GRID2: variants seen among roughly 807,000 people sequenced by gnomAD.
GRID2 encodes glutamate ionotropic receptor delta type subunit 2.
Under a neutral mutation model 114.8 loss-of-function variants are expected in GRID2, and 33 were observed. That is an observed-to-expected ratio of 0.29 (90% confidence interval 0.22 to 0.38). The LOEUF (loss-of-function observed/expected upper bound fraction) is 0.38. Ranked by LOEUF, GRID2 falls within the 10% of genes least tolerant of loss-of-function variation. GRID2 has a pLI of 1.00. For missense variants in GRID2, 1,184 were observed against 1,257.7 expected (o/e 0.94, Z 0.89); for synonymous variants, 505 against 449.9 (o/e 1.12, Z -1.55).
intron 9 of GRID2, among the ~76,000 whole-genome samples, chr4:93,414,532 A>T (rs1201702539): frequency 6.6e-6 from 1 of 152,014 alleles, no homozygotes. Flanking sequence ...AGAGACTCTT[A>T]ACTGCTGTAT....
chr4:93,035,929 C>T (rs1227046324), intron 2 of GRID2, among the ~76,000 whole-genome samples: 1 of 152,098 alleles, frequency 6.6e-6, no homozygotes, highest in Non-Finnish European at 1.5e-5. Flanking sequence ...AATATGACAG[C>T]CTGAATACTA....
chr4:93,358,174 T>G (rs965320348), intron 8 of GRID2, among the ~76,000 whole-genome samples: 2 of 151,878 alleles, frequency 1.3e-5, no homozygotes, highest in African/African-American at 4.8e-5. Context: ...GTATTCCAGA[T>G]AGGCAATTAT....
At chr4:92,618,452 A>T (rs76522454) in intron 2 of GRID2, among the ~76,000 whole-genome samples, 2,079 of 151,852 alleles carry the variant, frequency 0.014, 51 homozygotes, top group African/African-American at 0.047. Context: ...TGACACCTTC[A>T]GCTTTGTTCA....
At chr4:92,525,016 G>C (rs1192828667) in intron 1 of GRID2, among the ~76,000 whole-genome samples, 3 of 151,882 alleles carry the variant, frequency 2.0e-5, no homozygotes, top group Admixed American at 6.6e-5. Context: ...TGAATAATGT[G>C]ATAATGAGAG....
At chr4:93,594,376 G>A (rs538470823) in intron 13 of GRID2, among the ~76,000 whole-genome samples, 101 of 152,296 alleles carry the variant, frequency 6.6e-4, no homozygotes, top group African/African-American at 2.3e-3. Context: ...GGGGGTCAGG[G>A]GTCAGGGACC....
At chr4:92,923,501 A>ATGGT (rs1473151319) in intron 2 of GRID2, among the ~76,000 whole-genome samples, 36 of 151,664 alleles carry the variant, frequency 2.4e-4, no homozygotes, top group African/African-American at 8.5e-4. Context: ...TTTAATTAGA[A>ATGGT]ATCAATAAAA....
chr4:93,799,529 T>C (rs371136989), intron 1 of GRID2, among the ~76,000 whole-genome samples: 30 of 152,166 alleles, frequency 2.0e-4, no homozygotes, highest in African/African-American at 7.2e-4. Flanking sequence ...AAATGTTAAA[T>C]TGAGCCAAGT....
intron 2 of GRID2, among the ~76,000 whole-genome samples, chr4:93,013,677 T>G (rs1427551770): frequency 6.6e-6 from 1 of 151,990 alleles, no homozygotes; most frequent in Non-Finnish European, 1.5e-5. Context: ...GACTCCCCCT[T>G]GCATATATCC....
chr4:92,520,819 A>G (rs898968236), intron 1 of GRID2, among the ~76,000 whole-genome samples: 1 of 151,914 alleles, frequency 6.6e-6, no homozygotes, highest in African/African-American at 2.4e-5. Context: ...GTCTCAATCA[A>G]CATAGAAGCA....
chr4:92,430,929 C>T (rs377660272), intron 1 of GRID2, among the ~76,000 whole-genome samples: 3 of 152,032 alleles, frequency 2.0e-5, no homozygotes, highest in African/African-American at 7.2e-5. Context: ...TATACATATG[C>T]TGCTGAATTT....
At position 92,482,109 on chromosome 4, in the gene GRID2, A is replaced by G. The variant is rs1467960153; in HGVS notation, c.89-108022A>G. 2.7e-5 allele frequency among the ~76,000 whole-genome samples: 4 copies of G among 147,694 alleles called. No homozygotes were observed. In the Admixed American group the frequency reaches 2.8e-4, roughly 10 times the overall value. ...GATTTATATATATCTATATTTATAT[A>G]TATACTATGGAATACTACACAGCCA... On this transcript the variant is annotated intron_variant, in intron 1 of 15. Coordinates refer to ENST00000282020, the MANE Select transcript of GRID2 (RefSeq NM_001510.4).
At chr4:92,387,357 C>A (rs28660485) in intron 1 of GRID2, among the ~76,000 whole-genome samples, 3,347 of 151,658 alleles carry the variant, frequency 0.022, 129 homozygotes, top group African/African-American at 0.077. Context: ...TTTTGAAAAC[C>A]AAAATAACAA....
intron 13 of GRID2, among the ~76,000 whole-genome samples, chr4:93,612,420 A>C (rs1203522377): frequency 2.1e-5 from 3 of 141,558 alleles, no homozygotes; most frequent in East Asian, 3.9e-4. Context: ...TGGGCTTTAC[A>C]TTTTGGCATG....
intron 8 of GRID2, among the ~76,000 whole-genome samples, chr4:93,321,986 TTTAA>T (rs1286317771): frequency 6.6e-6 from 1 of 151,910 alleles, no homozygotes; most frequent in Non-Finnish European, 1.5e-5. Flanking sequence ...GTTTAATATT[TTTAA>T]TTAAACAATC....
At chr4:92,739,151 A>AT (rs967120512) in intron 2 of GRID2, among the ~76,000 whole-genome samples, 3 of 152,114 alleles carry the variant, frequency 2.0e-5, no homozygotes, top group Non-Finnish European at 2.9e-5. Context: ...ACATTTCCAA[A>AT]TTTTTTATCT....
intron 5 of GRID2, among the ~76,000 whole-genome samples, chr4:93,210,326 A>G (rs1247678234): frequency 1.3e-5 from 2 of 152,026 alleles, no homozygotes; most frequent in Non-Finnish European, 2.9e-5. Context: ...CCCAGCAATC[A>G]TTTATTATTA....
chr4:92,915,653 A>G (rs1049127553), intron 2 of GRID2, among the ~76,000 whole-genome samples: 1 of 152,126 alleles, frequency 6.6e-6, no homozygotes, highest in Non-Finnish European at 1.5e-5. Context: ...ACTCTTTTCC[A>G]TAACAGTGGA....
At chr4:92,651,478 G>C (rs1042054964) in intron 2 of GRID2, among the ~76,000 whole-genome samples, 4 of 151,932 alleles carry the variant, frequency 2.6e-5, no homozygotes, top group Non-Finnish European at 4.4e-5. Flanking sequence ...AGACTGACTG[G>C]TATCTATATA....
At chr4:93,286,298 T>C (rs1009038984) in intron 8 of GRID2, among the ~76,000 whole-genome samples, 3 of 152,166 alleles carry the variant, frequency 2.0e-5, no homozygotes, top group South Asian at 2.1e-4. Context: ...ATTAGGAAGA[T>C]GGATTAACCA....
Sources: allele counts gnomAD v4.1 joint callset (sites outside exome capture counted in the v4.1 genomes callset), GRCh38; gene constraint gnomAD v4.1.1; transcripts MANE v1.5; gene names NCBI Gene and HGNC (gene_info 2026-07-23, HGNC 2026-07-21).